Variants in CARD14 observed in about 807,000 individuals in gnomAD.
CARD14 encodes caspase recruitment domain-containing protein 14.
A neutral mutation model predicts 111.5 loss-of-function variants in CARD14; 107 were observed. That is an observed-to-expected ratio of 0.96 (90% CI 0.82 to 1.13). The LOEUF (loss-of-function observed/expected upper bound fraction) is 1.13, where lower values mean the gene tolerates loss of function less well. Among genes scored for constraint, CARD14 ranks in the 50% most tolerant of loss-of-function variants. The pLI, the probability that CARD14 is intolerant of heterozygous loss-of-function variation, is 0.00. For missense variants in CARD14, 1,322 were observed against 1,362.3 expected (o/e 0.97, Z 0.47); for synonymous variants, 617 against 579.6 (o/e 1.06, Z -0.93).
Position 80,205,651 on chromosome 17 carries a change from AG to A in CARD14, c.2691+1del, listed in dbSNP as rs1328488635. Reference sequence around the variant, plus strand: ...CATGCTGTGGAGTCCCTCATGGAAAAGGTGAGGTCAAGGGCGGGGTGGGCAG... The same window carrying A: ...CATGCTGTGGAGTCCCTCATGGAAAAGTGAGGTCAAGGGCGGGGTGGGCAG... ...TRHAVESLME[K>X]NTHALLDVQL... On this transcript the variant is annotated frameshift_variant and splice_region_variant, in exon 22 of 24. Transcript: ENST00000648509. LOFTEE classifies it high-confidence loss of function. 2.1e-6 allele frequency: 2 copies of A among 971,234 alleles called. No homozygotes were observed. The highest frequency in any genetic ancestry group is 4.7e-5 in the East Asian group (1 of 21,222). The allele number at this position is 971,234 out of a possible 1,614,324, so 60.2% of individuals were successfully genotyped here. A position where few individuals can be genotyped will look rare whatever the true frequency, so the allele number is the denominator to read the frequency against.
rs1459505898 is a variant in CARD14, at chr17:80,208,228, A to G, written c.2898A>G (p.Leu966=). 1.3e-6 allele frequency: 2 copies of G among 1,569,616 alleles called. No homozygotes were observed. The highest frequency in any genetic ancestry group is 1.9e-5 in the Admixed American group (1 of 52,398). The change falls in exon 24 of 24, where the codon CTA becomes CTG. Residue 966 remains leucine, a synonymous_variant. Transcript: ENST00000648509. ...GAGACCTGGACCGGGCGCCCTGTCT[A>G]TACAGCAGCCTGGCTCCTGACGGCT... ...EEGDLDRAPC[L]YSSLAPDGWS...
chr17:80,191,589 G>A (rs934391099), intron 11 of CARD14, 117 bp downstream of exon 11: 4 of 1,332,978 alleles, frequency 3.0e-6, no homozygotes, highest in Non-Finnish European at 4.1e-6. Context: ...AGGGTCCCAG[G>A]CTGGGCCACA....
intron 1 of CARD14, 111 bp downstream of exon 1, chr17:80,170,167 G>C (rs1445849582): frequency 1.3e-5 from 2 of 152,270 alleles, no homozygotes; most frequent in African/African-American, 4.8e-5. Flanking sequence ...GGTCCCAGGG[G>C]AGTGGGAGGG....
chr17:80,183,786 G>C, intron 6 of CARD14, 127 bp from the exon 7 acceptor site: 1 of 676,956 alleles, frequency 1.5e-6, no homozygotes, highest in Non-Finnish European at 2.3e-6. Flanking sequence ...CCGCCCACAT[G>C]CTCACCCGCC....
intron 5 of CARD14, 68 bp downstream of exon 5, chr17:80,181,717 T>A (rs759331027): frequency 7.1e-5 from 100 of 1,404,490 alleles, no homozygotes; most frequent in Non-Finnish European, 9.1e-5. Flanking sequence ...ACTGTCTGCC[T>A]CTGTCTTCAG....
chr17:80,191,279 CGGT>C, intron 10 of CARD14, 41 bp from the exon 11 acceptor site: 3 of 1,592,200 alleles, frequency 1.9e-6, no homozygotes, highest in Non-Finnish European at 2.6e-6. Flanking sequence ...TGAGGCTCCC[CGGT>C]GGTGATGGCG....
At chr17:80,191,584 C>T in intron 11 of CARD14, 112 bp downstream of exon 11, 1 of 1,392,950 alleles carries the variant, frequency 7.2e-7, no homozygotes, top group Non-Finnish European at 9.8e-7. Context: ...CAGGCAGGGT[C>T]CCAGGCTGGG....
rs1291244138 is a variant in CARD14, at chr17:80,203,970, G to A, written c.2283+85G>A. The A allele has an allele frequency of 2.6e-6, 3 of 1,133,250 alleles. No individual in the cohort carries two copies. The highest frequency in any genetic ancestry group is 2.6e-5 in the East Asian group (1 of 39,084). The allele number at this position is 1,133,250 out of a possible 1,614,324, so 70.2% of individuals were successfully genotyped here. A position where few individuals can be genotyped will look rare whatever the true frequency, so the allele number is the denominator to read the frequency against. On this transcript the variant is annotated intron_variant, in intron 19 of 23. Transcript: ENST00000648509. The surrounding 1 kb of genome is among the most constrained non-coding windows in gnomAD (Gnocchi z 4.6). ...CTGGCAGGGTGGCAGGAGGCACTGT[G>A]TGGAGAGTGGGCTGCTGATTGGAGG...
chr17:80,198,222 G>A lies in CARD14; in HGVS notation c.1658+60G>A, dbSNP rs2040789035. On this transcript the variant is annotated intron_variant, in intron 15 of 23. Coordinates refer to ENST00000648509, the MANE Select transcript of CARD14 (RefSeq NM_001366385.1). The surrounding 1 kb of genome is among the most constrained non-coding windows in gnomAD (Gnocchi z 7.5). ...GGGGAACCAGGGCCAGGGAGTGGCAGAGCAGAGGGTGAGTGTCCTATTACC... is the reference window on the plus strand; with the variant it reads ...GGGGAACCAGGGCCAGGGAGTGGCAAAGCAGAGGGTGAGTGTCCTATTACC... The A allele has an allele frequency of 7.5e-6, 12 of 1,595,812 alleles. No homozygotes were observed. In the Middle Eastern group the frequency reaches 1.3e-3, roughly 178 times the overall value.
rs1204745306 is a variant in CARD14 at position 80,205,560 on chromosome 17, T to A, written c.2599T>A (p.Trp867Arg). 6.3e-7 allele frequency: 1 copy of A among 1,583,412 alleles called. No individual in the cohort carries two copies. Residue 867 changes from tryptophan to arginine, a missense_variant, in exon 22 of 24, where the codon TGG becomes AGG. Coordinates refer to ENST00000648509, the MANE Select transcript of CARD14 (RefSeq NM_001366385.1). ...EYLSQEEYEA[W>R]SQRGDIIQEG... is the part of the protein sequence containing the mutation. ...CTTGAGCCAGGAGGAGTATGAGGCC[T>A]GGAGCCAGAGAGGGGACATCATCCA...
At position 80,209,287 on chromosome 17, in the gene CARD14, A is replaced by G. The variant is rs572959943; in HGVS notation, c.*942A>G. The G allele has an allele frequency of 3.3e-4, 322 of 983,268 alleles. 2 individuals are homozygous for G. In the African/African-American group the frequency reaches 5.1e-3, roughly 16 times the overall value. The allele number at this position is 983,268 out of a possible 1,614,324, so 60.9% of individuals were successfully genotyped here. A position where few individuals can be genotyped will look rare whatever the true frequency, so the allele number is the denominator to read the frequency against. On this transcript the variant is annotated 3_prime_UTR_variant, in exon 24 of 24. Transcript: ENST00000648509. ...GGTATCATCATAAATGAGTTCAGAA[A>G]AAGAACTTCTGTATATTTTACTAAA...
chr17:80,208,486 C>A lies in CARD14; in HGVS notation c.*141C>A. ...CTCTCCCCACTGGCTGGGGTCTAAC[C>A]TTGAACCCTCACCACGTGCAGGTCA... On this transcript the variant is annotated 3_prime_UTR_variant, in exon 24 of 24. Coordinates refer to ENST00000648509, the MANE Select transcript of CARD14 (RefSeq NM_001366385.1). The A allele has an allele frequency of 1.4e-6, 1 of 718,600 alleles. No individual in the cohort carries two copies. The allele number at this position is 718,600 out of a possible 1,614,324, so 44.5% of individuals were successfully genotyped here. A position where few individuals can be genotyped will look rare whatever the true frequency, so the allele number is the denominator to read the frequency against.
intron 16 of CARD14, chr17:80,200,786 A>C (rs1356611543): frequency 6.3e-6 from 1 of 158,938 alleles, no homozygotes; most frequent in Non-Finnish European, 1.4e-5. Flanking sequence ...TCCTGCAACT[A>C]GACGGTCCCA....
chr17:80,208,158 G>A lies in CARD14; in HGVS notation c.2828G>A (p.Gly943Asp). 1 of 1,544,840 alleles carries A rather than the reference G, an allele frequency of 6.5e-7. No homozygotes were observed. Among genetic ancestry groups the A allele is most frequent in the Non-Finnish European group, 8.7e-7 (1 of 1,143,772 alleles). The change falls in exon 24 of 24, where the codon GGC (glycine) becomes GAC (aspartate). Residue 943 changes from glycine to aspartate, a missense_variant. By Grantham distance (94) the Gly-to-Asp change is moderately conservative. Transcript: ENST00000648509. ...TGCAGGAAGGGCCTACAGCGGTTGG[G>A]CACCTCAGAGGAGCAGCTCCTGGAG... ...KKLKKGLQRL[G>D]TSEEQLLEAA...
chr17:80,184,890 G>A (rs962377913), intron 7 of CARD14, among the ~76,000 whole-genome samples: 14 of 152,144 alleles, frequency 9.2e-5, no homozygotes, highest in African/African-American at 1.9e-4. Flanking sequence ...GGACTCAGGC[G>A]GGGAGGGCAG....
At position 80,180,757 on chromosome 17, in the gene CARD14, T is replaced by G. The variant is rs1378952288; in HGVS notation, c.-20-662T>G. On this transcript the variant is annotated intron_variant, in intron 4 of 23. Coordinates refer to ENST00000648509, the MANE Select transcript of CARD14 (RefSeq NM_001366385.1). ...CCCTACTGTTATTTGTTTGTTTGTT[T>G]GTTTGTTTGTGTGTTTGTTTACCGG... is the stretch of plus-strand genomic sequence containing the variant. 1.1e-4 allele frequency among the ~76,000 whole-genome samples: 16 copies of G among 145,062 alleles called. No individual in the cohort carries two copies. In the East Asian group the frequency reaches 3.4e-3, roughly 31 times the overall value.
At chr17:80,205,721 A>T in intron 22 of CARD14, 69 bp downstream of exon 22, 2 of 1,455,900 alleles carry the variant, frequency 1.4e-6, no homozygotes. Context: ...GAGGAGGGGG[A>T]TGAGATAAAG....
intron 2 of CARD14, among the ~76,000 whole-genome samples, chr17:80,177,055 G>C (rs1189675124): frequency 6.6e-6 from 1 of 152,158 alleles, no homozygotes; most frequent in Non-Finnish European, 1.5e-5. Context: ...CACACTCCAG[G>C]GGTGAGCAGG....
At chr17:80,179,064 T>A (rs993887763) in intron 3 of CARD14, 40 bp from the exon 4 acceptor site, 5 of 152,224 alleles carry the variant, frequency 3.3e-5, no homozygotes, top group Admixed American at 3.3e-4. Context: ...ATTTTTCAGA[T>A]GACAGGTGTT....
Sources: allele counts gnomAD v4.1 joint callset (sites outside exome capture counted in the v4.1 genomes callset), GRCh38; gene constraint gnomAD v4.1.1; non-coding constraint Gnocchi (gnomAD v3.1); transcripts MANE v1.5; gene names NCBI Gene and HGNC (gene_info 2026-07-23, HGNC 2026-07-21).